The following SH3BP4 variants were observed in gnomAD, a reference collection of about 807,000 sequenced individuals.
SH3BP4 encodes SH3 domain binding protein 4.
Under a neutral mutation model 65.5 loss-of-function variants are expected in SH3BP4, and 33 were observed. The ratio of observed to expected loss-of-function variants is 0.50; its 90% CI spans 0.38 to 0.67. SH3BP4 has a LOEUF of 0.67. Among genes scored for constraint, SH3BP4 ranks in the 30% least tolerant of loss-of-function variants. SH3BP4 has a pLI of 0.00. For synonymous variants in SH3BP4, 552 were observed against 545.5 expected (o/e 1.01, Z -0.17); for missense variants, 1,134 against 1,261.4 (o/e 0.90, Z 1.53).
rs985580195 is a variant in SH3BP4, at chr2:234,962,951, G to C, written c.-207+10781G>C. Among the ~76,000 whole-genome samples, 9 of 152,004 alleles carry C rather than the reference G, an allele frequency of 5.9e-5. 1 individual carries two copies. The highest frequency in any genetic ancestry group is 2.2e-4 in the African/African-American group (9 of 41,448). The stretch of plus-strand genomic sequence containing the variant: ...TTTTAGTAGAGACACAGTTTCACCA[G>C]GCTGGCCAGGCTGTTCTCAAACTCC... On this transcript the variant is annotated intron_variant, in intron 1 of 5. Coordinates refer to ENST00000392011, the MANE Select transcript of SH3BP4 (RefSeq NM_014521.3).
intron 3 of SH3BP4, among the ~76,000 whole-genome samples, chr2:235,036,740 A>AAAAAAAAATAATAATAATAATAAT (rs146049108): frequency 0.04 from 5,685 of 141,650 alleles, 188 homozygotes; most frequent in African/African-American, 0.082. Flanking sequence ...TCTATATAAA[A>AAAAAAAAATAATAATAATAATAAT]AATAATAATA....
At chr2:234,998,668 C>A (rs576383295) in intron 2 of SH3BP4, among the ~76,000 whole-genome samples, 14 of 152,228 alleles carry the variant, frequency 9.2e-5, no homozygotes, top group Non-Finnish European at 1.9e-4. Context: ...TTCAAAACTT[C>A]GTCATCACCC....
At chr2:234,963,129 A>T (rs887495270) in intron 1 of SH3BP4, among the ~76,000 whole-genome samples, 4 of 152,034 alleles carry the variant, frequency 2.6e-5, no homozygotes, top group Non-Finnish European at 4.4e-5. Context: ...TTGCATCCTC[A>T]TTTTTCATGT....
In SH3BP4 at chr2:235,046,887, T is replaced by TA. The variant is rs1202649275; in HGVS notation, c.2478+3641dup. On this transcript the variant is annotated intron_variant, in intron 4 of 5. Transcript: ENST00000392011. This position sits in a 1 kb window ranked among gnomAD's most constrained non-coding sequence, Gnocchi z 4.2. ...CCATTCTTTTTGTGCCTGTTTTTGA[T>TA]AGAGTCCGTGTGTGAGGCATCCCCG... Among the ~76,000 whole-genome samples, 4 of 152,270 alleles carry TA rather than the reference T, an allele frequency of 2.6e-5. No homozygotes were observed. The highest frequency in any genetic ancestry group is 2.1e-4 in the South Asian group (1 of 4,820).
chr2:234,986,887 C>T (rs1693577665), intron 1 of SH3BP4, among the ~76,000 whole-genome samples: 1 of 151,954 alleles, frequency 6.6e-6, no homozygotes, highest in African/African-American at 2.4e-5. Flanking sequence ...TTGCTGCAAC[C>T]TCAGCCCCCC....
At position 235,033,167 on chromosome 2, in the gene SH3BP4, C is replaced by T. The variant is rs1695260598; in HGVS notation, c.-132-1704C>T. Among the ~76,000 whole-genome samples the T allele has an allele frequency of 6.6e-6, 1 of 152,188 alleles. No individual in the cohort carries two copies. ...TCTCCTGCCGCCTGCTGCATTCAAGCACCACAGCCCCGGTGGCCCAGCAAG... is the reference window on the plus strand; with the variant it reads ...TCTCCTGCCGCCTGCTGCATTCAAGTACCACAGCCCCGGTGGCCCAGCAAG... On this transcript the variant is annotated intron_variant, in intron 2 of 5. Transcript: ENST00000392011. The surrounding 1 kb of genome is among the most constrained non-coding windows in gnomAD (Gnocchi z 5.7).
chr2:234,965,765 G>A (rs754340986), intron 1 of SH3BP4, among the ~76,000 whole-genome samples: 8 of 152,116 alleles, frequency 5.3e-5, no homozygotes, highest in Non-Finnish European at 8.8e-5. Context: ...GGAGGGCTGC[G>A]ACTAACAGGT....
At position 234,997,292 on chromosome 2, in the gene SH3BP4, G is replaced by A. The variant is rs1693954309; in HGVS notation, c.-133+1916G>A. Among the ~76,000 whole-genome samples, 1 of 152,200 alleles carries A rather than the reference G, an allele frequency of 6.6e-6. No individual in the cohort carries two copies. Among genetic ancestry groups the A allele is most frequent in the African/African-American group, 2.4e-5 (1 of 41,432 alleles). ...CCTCTGAATAGTCACAGTCTGATTT[G>A]CCTGGGGGTCAGTGAGAGACACGGC... On this transcript the variant is annotated intron_variant, in intron 2 of 5. Coordinates refer to ENST00000392011, the MANE Select transcript of SH3BP4 (RefSeq NM_014521.3). This position sits in a 1 kb window ranked among gnomAD's most constrained non-coding sequence, Gnocchi z 4.2.
At position 235,029,772 on chromosome 2, in the gene SH3BP4, G is replaced by A. The variant is rs1456124369; in HGVS notation, c.-132-5099G>A. Among the ~76,000 whole-genome samples, 4 of 152,124 alleles carry A rather than the reference G, an allele frequency of 2.6e-5. No homozygotes were observed. The South Asian group carries it at 6.2e-4, about 24-fold the overall frequency. On this transcript the variant is annotated intron_variant, in intron 2 of 5. Coordinates refer to ENST00000392011, the MANE Select transcript of SH3BP4 (RefSeq NM_014521.3). ...AAAGCAAGGACCAGTTCACGGGTGC[G>A]GCACTCGGGATGGGCGAGTCGGATC...
intron 2 of SH3BP4, among the ~76,000 whole-genome samples, chr2:235,028,271 C>T (rs1695067255): frequency 6.6e-6 from 1 of 152,204 alleles, no homozygotes; most frequent in Admixed American, 6.5e-5. Context: ...CTGTCCTGCC[C>T]AGGGTGGGCC....
At chr2:235,006,130 C>T (rs78966921) in intron 2 of SH3BP4, among the ~76,000 whole-genome samples, 2,312 of 152,004 alleles carry the variant, frequency 0.015, 64 homozygotes, top group African/African-American at 0.053. Context: ...TGCTTTGTAC[C>T]CAGAGCACAC....
intron 2 of SH3BP4, among the ~76,000 whole-genome samples, chr2:235,019,344 C>T (rs1436336288): frequency 6.6e-6 from 1 of 151,614 alleles, no homozygotes; most frequent in Non-Finnish European, 1.5e-5. Context: ...TGACTGGACA[C>T]AGTGGGCTGG....
chr2:234,987,961 C>T (rs1028590264), intron 1 of SH3BP4, among the ~76,000 whole-genome samples: 9 of 152,172 alleles, frequency 5.9e-5, no homozygotes, highest in Admixed American at 2.0e-4. Context: ...TCCAAGATGG[C>T]GCCATGACAC....
intron 4 of SH3BP4, among the ~76,000 whole-genome samples, chr2:235,049,781 A>G (rs541702755): frequency 2.9e-4 from 44 of 152,332 alleles, no homozygotes; most frequent in Admixed American, 7.2e-4. Context: ...TGTGGGGCTC[A>G]TGGAATTGGG....
intron 2 of SH3BP4, among the ~76,000 whole-genome samples, chr2:235,032,119 A>G (rs1444764993): frequency 1.3e-5 from 2 of 152,218 alleles, no homozygotes; most frequent in Non-Finnish European, 2.9e-5. Context: ...GGTGATTAAC[A>G]GGAGTCTTCG....
rs1380534607 is a variant in SH3BP4, at chr2:235,034,945, A to G, written c.-58A>G. ...GGCAGAAGCTTCAGCATCTGCTGGGATAACTGGAGGAAGAAATATGAAGCC... is the reference window on the plus strand; with the variant it reads ...GGCAGAAGCTTCAGCATCTGCTGGGGTAACTGGAGGAAGAAATATGAAGCC... On this transcript the variant is annotated 5_prime_UTR_variant, in exon 3 of 6. Transcript: ENST00000392011. The surrounding 1 kb of genome is among the most constrained non-coding windows in gnomAD (Gnocchi z 6.2). The G allele has an allele frequency of 2.3e-5, 33 of 1,443,684 alleles. No individual in the cohort carries two copies. The highest frequency in any genetic ancestry group is 3.1e-5 in the Non-Finnish European group (32 of 1,029,482). 89.4% of individuals were successfully genotyped at this position (1,443,684 alleles called of 1,614,324 possible). A position where few individuals can be genotyped will look rare whatever the true frequency, so the allele number is the denominator to read the frequency against.
intron 4 of SH3BP4, among the ~76,000 whole-genome samples, chr2:235,051,397 G>A (rs898775833): frequency 6.6e-6 from 1 of 152,140 alleles, no homozygotes; most frequent in Non-Finnish European, 1.5e-5. Context: ...TTCAATGCCT[G>A]TCCCATCCAG....
intron 2 of SH3BP4, among the ~76,000 whole-genome samples, chr2:235,032,387 C>G (rs1695233701): frequency 6.6e-6 from 1 of 152,254 alleles, no homozygotes; most frequent in Non-Finnish European, 1.5e-5. Flanking sequence ...AGCTCCTCCC[C>G]TCACCCACTC....
intron 2 of SH3BP4, among the ~76,000 whole-genome samples, chr2:235,028,876 A>C (rs1021028854): frequency 1.3e-5 from 2 of 152,072 alleles, no homozygotes; most frequent in African/African-American, 4.8e-5. Context: ...GTACCTGGGG[A>C]ACTTCATGGA....
Sources: gnomAD v4.1 joint callset for allele counts (sites outside exome capture counted in the v4.1 genomes callset) on GRCh38, gnomAD v4.1.1 for gene constraint, Gnocchi (gnomAD v3.1) non-coding constraint, MANE v1.5 for transcripts, NCBI Gene and HGNC (gene_info 2026-07-23, HGNC 2026-07-21) for gene names.